ZNF124: variants seen among roughly 807,000 people sequenced by gnomAD.
ZNF124 encodes the protein zinc finger protein HZF-16.
In ZNF124, 25 loss-of-function variants were observed where a neutral mutation model predicts 26.6. That is an observed-to-expected ratio of 0.94 (90% CI 0.68 to 1.31). The LOEUF is 1.31. Ranked by LOEUF, ZNF124 falls within the 40% of genes most tolerant of loss-of-function variation. ZNF124 has a pLI of 0.00. For synonymous variants in ZNF124, 129 were observed against 133.3 expected (o/e 0.97, Z 0.22); for missense variants, 444 against 422.2 (o/e 1.05, Z -0.45).
intron 1 of ZNF124, among the ~76,000 whole-genome samples, chr1:247,166,195 GAAAAC>G (rs901104697): frequency 7.9e-5 from 12 of 152,034 alleles, no homozygotes; most frequent in Non-Finnish European, 1.5e-4. Context: ...ATAATAAAGT[GAAAAC>G]AAAACAAAAC....
intron 3 of ZNF124, among the ~76,000 whole-genome samples, chr1:247,158,521 C>T (rs76254105): frequency 0.048 from 7,268 of 152,214 alleles, 199 homozygotes; most frequent in Admixed American, 0.055. Context: ...ATACTGTTTT[C>T]AAGTGAACTA....
intron 3 of ZNF124, among the ~76,000 whole-genome samples, chr1:247,141,149 A>G (rs1038483441): frequency 6.6e-6 from 1 of 151,790 alleles, no homozygotes; most frequent in Non-Finnish European, 1.5e-5. Flanking sequence ...AGGGTTTCCT[A>G]TCTGGTGACA....
chr1:247,160,337 A>G (rs1673411878), intron 1 of ZNF124, among the ~76,000 whole-genome samples: 1 of 152,166 alleles, frequency 6.6e-6, no homozygotes, highest in African/African-American at 2.4e-5. Flanking sequence ...CAGAGAAGGA[A>G]CACCCTTCTT....
chr1:247,133,717 G>A (rs1392828613), intron 3 of ZNF124, among the ~76,000 whole-genome samples: 7 of 146,406 alleles, frequency 4.8e-5, no homozygotes, highest in African/African-American at 2.6e-5. Context: ...GCAGTGGTGC[G>A]ATCTCAGCTC....
chr1:247,150,718 A>G (rs1284880554), downstream of ZNF124, among the ~76,000 whole-genome samples: 8 of 152,090 alleles, frequency 5.3e-5, no homozygotes, highest in Non-Finnish European at 8.8e-5. Context: ...AATAAATTAT[A>G]TTTTGTTAGC....
chr1:247,142,196 A>G (rs1260167997), intron 3 of ZNF124, among the ~76,000 whole-genome samples: 1 of 152,244 alleles, frequency 6.6e-6, no homozygotes, highest in Admixed American at 6.5e-5. Flanking sequence ...CAGCAAAGAA[A>G]ACAGGTCTGG....
downstream of ZNF124, among the ~76,000 whole-genome samples, chr1:247,152,411 G>A (rs1481927680): frequency 1.3e-5 from 2 of 151,546 alleles, no homozygotes; most frequent in Non-Finnish European, 2.9e-5. Flanking sequence ...AGAAAACAGA[G>A]TAGGTATTGT....
chr1:247,132,041 C>T (rs1041970503), intron 3 of ZNF124, among the ~76,000 whole-genome samples: 1 of 152,144 alleles, frequency 6.6e-6, no homozygotes, highest in African/African-American at 2.4e-5. Context: ...CGGTTGGTGT[C>T]CCTTGAGGTA....
In ZNF124 at chr1:247,156,705, C is replaced by G. The variant is rs755470953; in HGVS notation, c.917G>C (p.Arg306Pro). The change falls in exon 4 of 4, where the codon CGT becomes CCT. Residue 306 changes from arginine (R) to proline (P), a missense_variant. Arg to Pro is a moderately radical substitution (Grantham distance 103). Coordinates refer to ENST00000543802, the MANE Select transcript of ZNF124 (RefSeq NM_001297568.2). ...GKGFRCSSSLRDHERTHTGEK... is the reference protein window; with the variant it reads ...GKGFRCSSSLPDHERTHTGEK... The stretch of plus-strand genomic sequence containing the variant: ...TCCAGTATGAGTCCTTTCATGGTCA[C>G]GAAGGGAACTGGAACATCTGAAGCC... 6 of 1,613,242 alleles carry G rather than the reference C, an allele frequency of 3.7e-6. No individual in the cohort carries two copies. Among genetic ancestry groups the G allele is most frequent in the Non-Finnish European group, 4.2e-6 (5 of 1,179,806 alleles).
intron 1 of ZNF124, among the ~76,000 whole-genome samples, chr1:247,169,811 G>GA (rs1283576975): frequency 5.6e-5 from 3 of 53,200 alleles, no homozygotes; most frequent in Admixed American, 2.4e-4. Flanking sequence ...GGTAAGAGAA[G>GA]AAAAAAAAAT....
In ZNF124 at chr1:247,160,759, C is replaced by T. The variant is rs1341093591; in HGVS notation, c.31-946G>A. ...TGAGCTTCCCTGGTAGATAATATTT[C>T]ATATATGATGTCACAACTTTTTAAT... On this transcript the variant is annotated intron_variant, in intron 1 of 3. Coordinates refer to ENST00000543802, the MANE Select transcript of ZNF124 (RefSeq NM_001297568.2). Among the ~76,000 whole-genome samples, 9 of 152,286 alleles carry T rather than the reference C, an allele frequency of 5.9e-5. No homozygotes were observed. In the East Asian group the frequency reaches 1.5e-3, roughly 26 times the overall value.
At chr1:247,159,189 T>C in intron 2 of ZNF124, 123 bp from the exon 3 acceptor site, 1 of 802,640 alleles carries the variant, frequency 1.2e-6, no homozygotes, top group Non-Finnish European at 1.9e-6. Context: ...AATTTGGTCA[T>C]CAATATGGCA....
At chr1:247,151,221 T>TTTA (rs1672926515), downstream of ZNF124, among the ~76,000 whole-genome samples, 1 of 151,850 alleles carries the variant, frequency 6.6e-6, no homozygotes, top group Non-Finnish European at 1.5e-5. Flanking sequence ...GGCTCACGCC[T>TTTA]GTAATCCCAG....
intron 3 of ZNF124, among the ~76,000 whole-genome samples, chr1:247,158,739 C>G (rs1267835045): frequency 1.3e-5 from 2 of 152,062 alleles, no homozygotes; most frequent in Admixed American, 6.5e-5. Flanking sequence ...AAGCAATTCT[C>G]CTGCCTCAGC....
intron 2 of ZNF124, 133 bp from the exon 3 acceptor site, chr1:247,159,199 AACATTGTT>A (rs537728625): frequency 1.5e-4 from 112 of 743,180 alleles, no homozygotes; most frequent in African/African-American, 1.4e-3. Context: ...TCAATATGGC[AACATTGTT>A]TGTGTTATGG....
intron 3 of ZNF124, among the ~76,000 whole-genome samples, chr1:247,148,657 G>C (rs1672848055): frequency 6.6e-6 from 1 of 152,120 alleles, no homozygotes; most frequent in Admixed American, 6.6e-5. Flanking sequence ...GGAATCTCAA[G>C]GTTAAGAAAT....
At chr1:247,124,594 G>C (rs989608010) in intron 3 of ZNF124, among the ~76,000 whole-genome samples, 1 of 152,170 alleles carries the variant, frequency 6.6e-6, no homozygotes, top group Non-Finnish European at 1.5e-5. Context: ...TCTGCATCCT[G>C]TAGCAGCCAA....
intron 1 of ZNF124, 162 bp from the exon 2 acceptor site, chr1:247,159,975 A>ATTTT: frequency 2.9e-6 from 1 of 340,308 alleles, no homozygotes; most frequent in Non-Finnish European, 4.6e-6. Context: ...CCCACATAGC[A>ATTTT]GTTCTTTTTT....
intron 3 of ZNF124, among the ~76,000 whole-genome samples, chr1:247,130,134 T>C (rs1320228291): frequency 1.3e-5 from 2 of 152,218 alleles, no homozygotes; most frequent in African/African-American, 4.8e-5. Context: ...AGTTTTTCGC[T>C]GATTGAAAAA....
Sources: gnomAD v4.1 joint callset for allele counts (sites outside exome capture counted in the v4.1 genomes callset) on GRCh38, gnomAD v4.1.1 for gene constraint, MANE v1.5 for transcripts, NCBI Gene and HGNC (gene_info 2026-07-23, HGNC 2026-07-21) for gene names.